The following ELAC2 variants were observed in gnomAD, a reference collection of about 807,000 sequenced individuals.
The protein encoded by ELAC2 is elaC ribonuclease Z 2.
ELAC2 carries 92 observed loss-of-function variants against 105.2 expected under a neutral mutation model. The ratio of observed to expected loss-of-function variants is 0.87; its 90% CI spans 0.74 to 1.04. The LOEUF is 1.04. Among genes scored for constraint, ELAC2 ranks in the 50% least tolerant of loss-of-function variants. The pLI is 0.00. For missense variants in ELAC2, 1,099 were observed against 1,071.7 expected (o/e 1.03, Z -0.36); for synonymous variants, 468 against 409.1 (o/e 1.14, Z -1.74).
intron 23 of ELAC2, among the ~76,000 whole-genome samples, 156 bp from the exon 24 acceptor site, chr17:12,993,201 C>T (rs2040282919): frequency 6.6e-6 from 1 of 152,246 alleles, no homozygotes; most frequent in Admixed American, 6.5e-5. Flanking sequence ...AAAAGAATGG[C>T]ATGGAGGGAA....
intron 14 of ELAC2, 129 bp downstream of exon 14, chr17:13,002,145 C>CA: frequency 1.0e-6 from 1 of 967,084 alleles, no homozygotes; most frequent in Non-Finnish European, 1.6e-6. Context: ...GTGCTCAAAG[C>CA]GGAGTTGAAT....
chr17:13,012,172 C>CT (rs2041452037), intron 6 of ELAC2, among the ~76,000 whole-genome samples: 1 of 152,152 alleles, frequency 6.6e-6, no homozygotes, highest in Non-Finnish European at 1.5e-5. Context: ...ATTCGCTGCT[C>CT]TAAGAAGCTA....
chr17:12,994,902 G>C lies in ELAC2; in HGVS notation c.1909-18C>G. On this transcript the variant is annotated intron_variant, in intron 20 of 23. Coordinates refer to ENST00000338034, the MANE Select transcript of ELAC2 (RefSeq NM_018127.7). ...GTCTGAAACTGAAAGGGTGGGGCTG[G>C]AGGGCTCTGCAGCTCTGCTCCCCAC... The C allele has an allele frequency of 6.2e-7, 1 of 1,614,110 alleles. No homozygotes were observed. Among genetic ancestry groups the C allele is most frequent in the Non-Finnish European group, 8.5e-7 (1 of 1,180,040 alleles).
chr17:12,993,691 A>C lies in ELAC2; in HGVS notation c.2249T>G (p.Met750Arg), dbSNP rs769686385. The C allele has an allele frequency of 1.9e-6, 3 of 1,614,122 alleles. No individual in the cohort carries two copies. Among genetic ancestry groups the C allele is most frequent in the Non-Finnish European group, 2.5e-6 (3 of 1,180,010 alleles). ...SEKVGVAFDH[M>R]KVCFGDFPTM... Reference sequence around the variant, plus strand: ...CTGTCCGTGTGACATACAGACCTTCATGTGGTCAAAGGCAACTCCCACTTT... The same window carrying C: ...CTGTCCGTGTGACATACAGACCTTCCTGTGGTCAAAGGCAACTCCCACTTT... The change falls in exon 23 of 24, where the codon ATG (methionine) becomes AGG (arginine). Residue 750 changes from methionine (M) to arginine (R), a missense_variant. Coordinates refer to ENST00000338034, the MANE Select transcript of ELAC2 (RefSeq NM_018127.7).
chr17:13,011,791 T>A lies in ELAC2; in HGVS notation c.560-9A>T, dbSNP rs1406653563. ...TCCCCTCCTCTGTTCACCTGGTCAGTACAGATACCACCAAATTACACACTG... is the reference window on the plus strand; with the variant it reads ...TCCCCTCCTCTGTTCACCTGGTCAGAACAGATACCACCAAATTACACACTG... On this transcript the variant is annotated splice_polypyrimidine_tract_variant and intron_variant, in intron 6 of 23. Transcript: ENST00000338034. 1.5e-5 allele frequency: 24 copies of A among 1,614,012 alleles called. No individual in the cohort carries two copies. Among genetic ancestry groups the A allele is most frequent in the African/African-American group, 1.3e-5 (1 of 74,892 alleles).
rs757532895 is a variant in ELAC2, at chr17:12,993,636, CCT to C, written c.2253+49_2253+50del. The C allele has an allele frequency of 1.9e-6, 3 of 1,613,030 alleles. No homozygotes were observed. In the African/African-American group the frequency reaches 4.0e-5, roughly 22 times the overall value. ...GACCGTCCTACTCAGTGTGTAGAGT[CCT>C]GTCTCCCTGCCCCGTCCCCGCCCTG... On this transcript the variant is annotated intron_variant, in intron 23 of 23. Coordinates refer to ENST00000338034, the MANE Select transcript of ELAC2 (RefSeq NM_018127.7).
At chr17:12,996,138 C>A in intron 17 of ELAC2, 160 bp from the exon 18 acceptor site, 3 of 816,236 alleles carry the variant, frequency 3.7e-6, no homozygotes, top group Non-Finnish European at 6.1e-6. Flanking sequence ...GCCCCCTGCG[C>A]CATGGCCCTG....
intron 19 of ELAC2, 109 bp from the exon 20 acceptor site, chr17:12,995,171 A>G (rs2040408172): frequency 1.7e-6 from 2 of 1,147,892 alleles, no homozygotes; most frequent in Non-Finnish European, 1.3e-6. Flanking sequence ...AGGAGAAAAC[A>G]TGAGTTAAAT....
intron 10 of ELAC2, 118 bp from the exon 11 acceptor site, chr17:13,005,219 G>T: frequency 1.3e-6 from 1 of 785,654 alleles, no homozygotes; most frequent in Non-Finnish European, 2.3e-6. Context: ...GGTAAACAAA[G>T]CACAAAACCA....
chr17:12,998,588 G>GT (rs2040593729), intron 15 of ELAC2, 80 bp from the exon 16 acceptor site: 5 of 1,305,110 alleles, frequency 3.8e-6, no homozygotes, highest in South Asian at 3.6e-5. Context: ...AGGTGCAATG[G>GT]TTTGAGTGTC....
Position 12,995,832 on chromosome 17 carries a change from T to C in ELAC2, c.1699-20A>G, listed in dbSNP as rs1489448575. 5.0e-6 allele frequency: 8 copies of C among 1,600,626 alleles called. No homozygotes were observed. The highest frequency in any genetic ancestry group is 6.0e-6 in the Non-Finnish European group (7 of 1,173,514). ...AGATGCCTGGAACAAAAAATGCAAG[T>C]GCCGACTCGACGACAGAACATCTCA... On this transcript the variant is annotated intron_variant, in intron 18 of 23. Coordinates refer to ENST00000338034, the MANE Select transcript of ELAC2 (RefSeq NM_018127.7).
Position 13,015,846 on chromosome 17 carries a change from A to G in ELAC2, c.368-14T>C, listed in dbSNP as rs1472244306. The G allele has an allele frequency of 6.2e-7, 1 of 1,607,670 alleles. No individual in the cohort carries two copies. Among genetic ancestry groups the G allele is most frequent in the South Asian group, 1.1e-5 (1 of 90,958 alleles). On this transcript the variant is annotated splice_polypyrimidine_tract_variant and intron_variant, in intron 3 of 23. Coordinates refer to ENST00000338034, the MANE Select transcript of ELAC2 (RefSeq NM_018127.7). Reference sequence around the variant, plus strand: ...TAAGAATCATTCCTAAAAAGGATGCATAAAATCAGATCTCTCATCAATTTG... The same window carrying G: ...TAAGAATCATTCCTAAAAAGGATGCGTAAAATCAGATCTCTCATCAATTTG...
chr17:13,011,083 C>T (rs2041384576), intron 7 of ELAC2, among the ~76,000 whole-genome samples: 1 of 152,196 alleles, frequency 6.6e-6, no homozygotes, highest in Non-Finnish European at 1.5e-5. Context: ...ACAAGGACAG[C>T]ACATAGGGGT....
intron 11 of ELAC2, 136 bp from the exon 12 acceptor site, chr17:13,003,710 T>C (rs142724018): frequency 3.3e-5 from 25 of 748,346 alleles, no homozygotes; most frequent in Admixed American, 1.2e-4. Flanking sequence ...GCCCAGGCCA[T>C]GCTCTCACAG....
At chr17:13,015,934 C>T in intron 3 of ELAC2, 102 bp from the exon 4 acceptor site, 1 of 915,824 alleles carries the variant, frequency 1.1e-6, no homozygotes, top group Non-Finnish European at 1.8e-6. Context: ...ACATCTCCAC[C>T]TTCCAGCTTT....
intron 8 of ELAC2, among the ~76,000 whole-genome samples, chr17:13,009,461 G>T (rs2041291888): frequency 6.6e-6 from 1 of 152,206 alleles, no homozygotes; most frequent in Non-Finnish European, 1.5e-5. Flanking sequence ...ACAGCTTATT[G>T]TAACAAAAAT....
chr17:13,010,532 T>A (rs1191306384), intron 8 of ELAC2, 81 bp downstream of exon 8: 35 of 1,336,934 alleles, frequency 2.6e-5, no homozygotes, highest in Non-Finnish European at 4.3e-6. Flanking sequence ...GTGCCTACCC[T>A]CAAATTAATG....
intron 7 of ELAC2, 33 bp from the exon 8 acceptor site, chr17:13,010,704 A>C (rs775208763): frequency 3.8e-5 from 61 of 1,598,992 alleles, no homozygotes; most frequent in Non-Finnish European, 5.0e-5. Context: ...ATCACAAGGT[A>C]AATGTGAAAG....
intron 1 of ELAC2, 161 bp from the exon 2 acceptor site, chr17:13,017,282 A>G: frequency 1.3e-6 from 1 of 768,118 alleles, no homozygotes; most frequent in Non-Finnish European, 2.2e-6. Flanking sequence ...GTGGGTTTTG[A>G]GCCCTCCTTA....
Sources: gnomAD v4.1 joint callset for allele counts (sites outside exome capture counted in the v4.1 genomes callset) on GRCh38, gnomAD v4.1.1 for gene constraint, MANE v1.5 for transcripts, NCBI Gene and HGNC (gene_info 2026-07-23, HGNC 2026-07-21) for gene names.